Variants in ZFAT observed in about 807,000 individuals in gnomAD.
ZFAT encodes zinc finger protein ZFAT.
In ZFAT, 64 loss-of-function variants were observed where a neutral mutation model predicts 117.7. The observed-to-expected ratio is 0.54, with a 90% confidence interval of 0.44 to 0.67. The LOEUF is 0.67. Ranked by LOEUF, ZFAT falls within the 30% of genes least tolerant of loss-of-function variation. The pLI is 0.00. For synonymous variants in ZFAT, 679 were observed against 615.0 expected, an observed-to-expected ratio of 1.10 and a Z score of -1.54; for missense variants, 1,433 against 1,584.5, an observed-to-expected ratio of 0.90 and a Z score of 1.62.
At chr8:134,496,816 T>C (rs991917795) in intron 15 of ZFAT, among the ~76,000 whole-genome samples, 7 of 152,148 alleles carry the variant, frequency 4.6e-5, no homozygotes, top group Non-Finnish European at 1.0e-4. Context: ...CGTGGCCCCA[T>C]CTTCACCACT....
At chr8:134,565,191 A>G (rs1284139566) in intron 11 of ZFAT, 142 bp downstream of exon 11, 2 of 1,537,888 alleles carry the variant, frequency 1.3e-6, no homozygotes, top group Non-Finnish European at 1.7e-6. Flanking sequence ...ACTATGCCTC[A>G]GACTCCACGT....
At chr8:134,537,247 T>G (rs903478148) in intron 11 of ZFAT, among the ~76,000 whole-genome samples, 1 of 152,232 alleles carries the variant, frequency 6.6e-6, no homozygotes, top group Non-Finnish European at 1.5e-5. Flanking sequence ...TGCCATAGTT[T>G]CACAGTCTCC....
intron 1 of ZFAT, among the ~76,000 whole-genome samples, chr8:134,690,861 C>A (rs1426032036): frequency 3.3e-5 from 5 of 152,342 alleles, no homozygotes; most frequent in African/African-American, 1.2e-4. Flanking sequence ...TAATTCAACA[C>A]TAAATGAATG....
chr8:134,753,156 G>A, the ZFAT span, among the ~76,000 whole-genome samples: 856 of 152,096 alleles, frequency 5.6e-3, 5 homozygotes, highest in Middle Eastern at 0.021. Flanking sequence ...AGGTGTGATC[G>A]CACCACTGCA....
At chr8:134,537,471 A>G (rs543623983) in intron 11 of ZFAT, among the ~76,000 whole-genome samples, 3 of 152,210 alleles carry the variant, frequency 2.0e-5, no homozygotes, top group Non-Finnish European at 4.4e-5. Flanking sequence ...CGCACAGTGG[A>G]CCGGGAGAGA....
intron 1 of ZFAT, among the ~76,000 whole-genome samples, chr8:134,678,113 G>C (rs945091178): frequency 5.3e-5 from 8 of 152,192 alleles, no homozygotes; most frequent in African/African-American, 1.9e-4. Flanking sequence ...TCAGGCAAGA[G>C]AAAGAAATAA....
At chr8:134,774,444 TC>T in the ZFAT span, among the ~76,000 whole-genome samples, 1 of 152,092 alleles carries the variant, frequency 6.6e-6, no homozygotes, top group Non-Finnish European at 1.5e-5. Context: ...ACCATAACAT[TC>T]AGCAACCACC....
intron 3 of ZFAT, among the ~76,000 whole-genome samples, chr8:134,620,385 C>T (rs902060301): frequency 4.6e-5 from 7 of 152,208 alleles, no homozygotes; most frequent in African/African-American, 1.7e-4. Flanking sequence ...CGAGAAGGCA[C>T]GCTGCACAGT....
intron 1 of ZFAT, among the ~76,000 whole-genome samples, chr8:134,696,941 C>G (rs941718000): frequency 1.3e-5 from 2 of 150,094 alleles, no homozygotes; most frequent in South Asian, 4.2e-4. Flanking sequence ...TTTTTGGAGA[C>G]GAGTCTCGCT....
the ZFAT span, among the ~76,000 whole-genome samples, chr8:134,737,140 C>T: frequency 6.6e-6 from 1 of 151,952 alleles, no homozygotes; most frequent in African/African-American, 2.4e-5. Context: ...ATTAGCTGGA[C>T]GTGGTGGCGC....
chr8:134,730,772 A>G, the ZFAT span, among the ~76,000 whole-genome samples: 1 of 152,222 alleles, frequency 6.6e-6, no homozygotes, highest in Non-Finnish European at 1.5e-5. Flanking sequence ...AAACATATTC[A>G]TCAAGCAGCC....
At chr8:134,796,373 T>A in the ZFAT span, 1 of 152,160 alleles carries the variant, frequency 6.6e-6, no homozygotes, top group Non-Finnish European at 1.5e-5. Context: ...AATGTCAGAA[T>A]TGAACTGAAT....
chr8:134,610,016 AG>A (rs1828202995), intron 4 of ZFAT, among the ~76,000 whole-genome samples: 1 of 152,182 alleles, frequency 6.6e-6, no homozygotes, highest in African/African-American at 2.4e-5. Context: ...ATGTGCAGAG[AG>A]GAAAAAAATA....
At chr8:134,518,865 T>G (rs1820431389) in intron 13 of ZFAT, among the ~76,000 whole-genome samples, 1 of 152,156 alleles carries the variant, frequency 6.6e-6, no homozygotes, top group South Asian at 2.1e-4. Context: ...TTTTTTCAGA[T>G]AGCTATTTAG....
the ZFAT span, among the ~76,000 whole-genome samples, chr8:134,770,950 C>A: frequency 3.6e-5 from 3 of 84,128 alleles, no homozygotes; most frequent in Non-Finnish European, 6.7e-5. Flanking sequence ...ATCTCAAAAC[C>A]CTGTCTCCTG....
At chr8:134,639,883 C>A in intron 2 of ZFAT, 1 of 427,668 alleles carries the variant, frequency 2.3e-6, no homozygotes, top group South Asian at 1.7e-5. Flanking sequence ...CAGACACAAG[C>A]CACTCCCCTG....
chr8:134,510,581 G>A (rs367949105), intron 14 of ZFAT: 64 of 165,814 alleles, frequency 3.9e-4, no homozygotes, highest in African/African-American at 1.4e-3. Flanking sequence ...AGGCAGTGGC[G>A]GACTTATATT....
chr8:134,495,699 G>A (rs1269291585), intron 15 of ZFAT, among the ~76,000 whole-genome samples: 1 of 152,188 alleles, frequency 6.6e-6, no homozygotes, highest in African/African-American at 2.4e-5. Context: ...GGAGGCCAAG[G>A]TGGGCAGATC....
At chr8:134,530,649 C>T (rs369976898) in intron 12 of ZFAT, among the ~76,000 whole-genome samples, 5 of 152,046 alleles carry the variant, frequency 3.3e-5, no homozygotes, top group African/African-American at 9.7e-5. Context: ...TATGCATACA[C>T]GTACATATGC....
Sources: allele counts gnomAD v4.1 joint callset (sites outside exome capture counted in the v4.1 genomes callset), GRCh38; gene constraint gnomAD v4.1.1; transcripts MANE v1.5; gene names NCBI Gene and HGNC (gene_info 2026-07-23, HGNC 2026-07-21).